Variants in HPSE observed in about 807,000 individuals in gnomAD.
HPSE encodes heparanase.
In HPSE, 48 loss-of-function variants were observed where a neutral mutation model predicts 65.1. That is an observed-to-expected ratio of 0.74 (90% CI 0.58 to 0.94). HPSE has a LOEUF of 0.94. HPSE is among the 40% of genes least tolerant of loss of function. HPSE has a pLI of 0.00. For missense variants in HPSE, 644 were observed against 637.5 expected, an observed-to-expected ratio of 1.01 and a Z score of -0.11; for synonymous variants, 243 against 260.0, an observed-to-expected ratio of 0.93 and a Z score of 0.63.
At chr4:83,308,410 C>T (rs1736231780) in intron 8 of HPSE, among the ~76,000 whole-genome samples, 2 of 152,124 alleles carry the variant, frequency 1.3e-5, no homozygotes, top group Admixed American at 1.3e-4. Flanking sequence ...AAAAGACAGT[C>T]TCACTCTGTT....
chr4:83,316,181 C>A (rs1172922189), intron 3 of HPSE, among the ~76,000 whole-genome samples: 1 of 151,982 alleles, frequency 6.6e-6, no homozygotes, highest in Non-Finnish European at 1.5e-5. Context: ...TGGACGCCAC[C>A]AAGCCCGGCT....
intron 8 of HPSE, among the ~76,000 whole-genome samples, chr4:83,307,805 G>T (rs1379018971): frequency 6.6e-6 from 1 of 151,796 alleles, no homozygotes; most frequent in Non-Finnish European, 1.5e-5. Flanking sequence ...GAGGATGAGA[G>T]AAAAAAGAAT....
At chr4:83,310,934 A>G (rs559168628) in intron 4 of HPSE, 44 bp from the exon 5 acceptor site, 99 of 1,488,414 alleles carry the variant, frequency 6.7e-5, no homozygotes, top group Non-Finnish European at 8.9e-5. Flanking sequence ...GAAATGTTGT[A>G]TTTAAAAGCA....
At chr4:83,318,487 A>G (rs1736743884) in intron 3 of HPSE, among the ~76,000 whole-genome samples, 1 of 152,070 alleles carries the variant, frequency 6.6e-6, no homozygotes, top group African/African-American at 2.4e-5. Flanking sequence ...ACAAAAAATT[A>G]GCCGGTCGTG....
Position 83,322,953 on chromosome 4 carries a change from A to G in HPSE, c.228-589T>C, listed in dbSNP as rs187165857. Among the ~76,000 whole-genome samples, 177 of 152,076 alleles carry G rather than the reference A, an allele frequency of 1.2e-3. 1 individual carries two copies. The highest frequency in any genetic ancestry group is 3.4e-3 in the Middle Eastern group (1 of 294). On this transcript the variant is annotated intron_variant, in intron 1 of 11. Coordinates refer to ENST00000311412, the MANE Select transcript of HPSE (RefSeq NM_001098540.3). ...AATGCTGAGATTACAGGCATGAGCC[A>G]CTGTACCCAGCCAGGAGCTTATGTT...
At position 83,301,025 on chromosome 4, in the gene HPSE, A is replaced by C; in HGVS notation, c.1407T>G (p.Pro469=). 1 of 1,606,930 alleles carries C rather than the reference A, an allele frequency of 6.2e-7. No homozygotes were observed. The highest frequency in any genetic ancestry group is 8.5e-7 in the Non-Finnish European group (1 of 1,174,560). The part of the protein sequence containing the change: ...NVTKYLRLPY[P]FSNKQVDKYL... ...ATTTATCCACTTGCTTGTTAGAAAA[A>C]GGATAGGGTAACCGCAAGTACTTGG... is the stretch of plus-strand genomic sequence containing the variant. The change falls in exon 11 of 12, where the codon CCT becomes CCG. Residue 469 remains proline (P), a synonymous_variant. Transcript: ENST00000311412.
intron 1 of HPSE, among the ~76,000 whole-genome samples, chr4:83,324,611 C>G (rs1415019961): frequency 6.6e-6 from 1 of 152,132 alleles, no homozygotes; most frequent in African/African-American, 2.4e-5. Flanking sequence ...ACTGAAATAC[C>G]TGACAGCCCC....
At chr4:83,310,942 GCAAA>G in intron 4 of HPSE, 52 bp from the exon 5 acceptor site, 1 of 1,390,594 alleles carries the variant, frequency 7.2e-7, no homozygotes, top group Non-Finnish European at 1.0e-6. Flanking sequence ...GTATTTAAAA[GCAAA>G]CATATAGCAG....
chr4:83,322,426 C>A, intron 1 of HPSE, 62 bp from the exon 2 acceptor site: 1 of 1,374,350 alleles, frequency 7.3e-7, no homozygotes, highest in South Asian at 1.4e-5. Flanking sequence ...GTCAAACATT[C>A]TTACTTCCTT....
chr4:83,308,423 C>T (rs936197687), intron 8 of HPSE, among the ~76,000 whole-genome samples: 5 of 152,136 alleles, frequency 3.3e-5, no homozygotes, highest in African/African-American at 9.7e-5. Context: ...ACTCTGTTGC[C>T]CAGTCTAGAG....
chr4:83,309,300 T>C (rs1736274670), intron 7 of HPSE, 102 bp downstream of exon 7: 2 of 676,936 alleles, frequency 3.0e-6, no homozygotes, highest in Admixed American at 6.2e-5. Flanking sequence ...TTCTCTAAAA[T>C]TAGAAAAACA....
intron 11 of HPSE, among the ~76,000 whole-genome samples, chr4:83,300,566 A>AG (rs369282900): frequency 2.3e-5 from 2 of 86,200 alleles, no homozygotes; most frequent in African/African-American, 3.0e-5. Context: ...AAGAATTATT[A>AG]CACTTTGGGA....
intron 10 of HPSE, 146 bp from the exon 11 acceptor site, chr4:83,301,252 C>T (rs986172361): frequency 7.3e-5 from 37 of 509,542 alleles, no homozygotes; most frequent in Non-Finnish European, 3.4e-6. Context: ...TGACAGTGGG[C>T]CCTCTTAGTA....
chr4:83,308,278 C>T (rs1560507132), intron 8 of HPSE, among the ~76,000 whole-genome samples: 1 of 152,096 alleles, frequency 6.6e-6, no homozygotes, highest in South Asian at 2.1e-4. Context: ...TGCGGTGATA[C>T]TCCTGTAGTC....
intron 1 of HPSE, among the ~76,000 whole-genome samples, chr4:83,329,221 T>C (rs1737268764): frequency 6.6e-6 from 1 of 152,232 alleles, no homozygotes; most frequent in South Asian, 2.1e-4. Context: ...AGCCCAGCTA[T>C]ACAGGGTGGC....
chr4:83,323,388 T>C (rs963185062), intron 1 of HPSE, among the ~76,000 whole-genome samples: 1 of 152,132 alleles, frequency 6.6e-6, no homozygotes, highest in Non-Finnish European at 1.5e-5. Flanking sequence ...GGTGGGGATG[T>C]TGATAATGAG....
chr4:83,320,667 C>T (rs937275180), intron 2 of HPSE, among the ~76,000 whole-genome samples: 7 of 152,326 alleles, frequency 4.6e-5, no homozygotes, highest in Non-Finnish European at 8.8e-5. Context: ...CTGCCAGGGC[C>T]GGCTGACTGG....
chr4:83,305,827 T>C (rs2126185735), intron 9 of HPSE, among the ~76,000 whole-genome samples: 1 of 152,374 alleles, frequency 6.6e-6, no homozygotes, highest in Non-Finnish European at 1.5e-5. Flanking sequence ...TACAATTTCA[T>C]AACATAAAAA....
chr4:83,312,457 C>A (rs545942090), intron 4 of HPSE, among the ~76,000 whole-genome samples: 226 of 152,028 alleles, frequency 1.5e-3, no homozygotes, highest in South Asian at 6.2e-3. Context: ...GCGGGCAGAT[C>A]ATGGGGTCAG....
Sources: allele counts gnomAD v4.1 joint callset (sites outside exome capture counted in the v4.1 genomes callset), GRCh38; gene constraint gnomAD v4.1.1; transcripts MANE v1.5; gene names NCBI Gene and HGNC (gene_info 2026-07-23, HGNC 2026-07-21).